TRIM35: variants seen among roughly 807,000 people sequenced by gnomAD.
The protein encoded by TRIM35 is tripartite motif containing 35.
TRIM35 carries 37 observed loss-of-function variants against 49.1 expected under a neutral mutation model. The ratio of observed to expected loss-of-function variants is 0.75; its 90% CI spans 0.58 to 0.99. TRIM35 has a LOEUF of 0.99. Ranked by LOEUF, TRIM35 falls within the 50% of genes least tolerant of loss-of-function variation. The pLI, the probability that TRIM35 is intolerant of heterozygous loss-of-function variation, is 0.00. For missense variants in TRIM35, 648 were observed against 702.7 expected, an observed-to-expected ratio of 0.92 and a Z score of 0.88; for synonymous variants, 302 against 289.3, an observed-to-expected ratio of 1.04 and a Z score of -0.45.
intron 1 of TRIM35, among the ~76,000 whole-genome samples, chr8:27,303,653 G>C (rs773390491): frequency 7.9e-5 from 12 of 152,052 alleles, no homozygotes; most frequent in Non-Finnish European, 1.6e-4. Context: ...TTCGATGTTA[G>C]CATCACATTA....
intron 1 of TRIM35, among the ~76,000 whole-genome samples, chr8:27,309,533 G>C (rs946133083): frequency 6.6e-6 from 1 of 152,156 alleles, no homozygotes; most frequent in Non-Finnish European, 1.5e-5. Flanking sequence ...GGCCACAGAG[G>C]GGGCCAGAAA....
At position 27,310,947 on chromosome 8, in the gene TRIM35, A is replaced by G; in HGVS notation, c.289T>C (p.Phe97Leu). The change falls in exon 1 of 6, where the codon TTC becomes CTC. Residue 97 changes from phenylalanine (F) to leucine (L), a missense_variant. Transcript: ENST00000305364. ...AEGARWTSYR[F>L]SRVCRLHRGQ... ...CGGTGCAGGCGGCAGACACGCGAGAAGCGGTAGCTGGTCCAGCGCGCGCCC... is the reference window on the plus strand; with the variant it reads ...CGGTGCAGGCGGCAGACACGCGAGAGGCGGTAGCTGGTCCAGCGCGCGCCC... 6.2e-7 allele frequency: 1 copy of G among 1,612,666 alleles called. No individual in the cohort carries two copies. The highest frequency in any genetic ancestry group is 8.5e-7 in the Non-Finnish European group (1 of 1,179,736).
At position 27,311,074 on chromosome 8, in the gene TRIM35, C is replaced by A. The variant is rs950573333; in HGVS notation, c.162G>T (p.Ser54=). ...CVSRCWEVQV[S]PTCPVCKDRA... is the part of the protein sequence containing the mutation. ...GGTCTTTGCACACTGGGCAGGTGGGCGACACCTGCACCTCCCAGCAGCGGC... is the reference window on the plus strand; with the variant it reads ...GGTCTTTGCACACTGGGCAGGTGGGAGACACCTGCACCTCCCAGCAGCGGC... Residue 54 remains serine (S), a synonymous_variant, in exon 1 of 6, where the codon TCG becomes TCT. Transcript: ENST00000305364. The A allele has an allele frequency of 1.3e-6, 2 of 1,595,912 alleles. No individual in the cohort carries two copies. The highest frequency in any genetic ancestry group is 1.3e-5 in the African/African-American group (1 of 74,710).
chr8:27,305,548 A>G (rs1363727183), intron 1 of TRIM35, among the ~76,000 whole-genome samples: 1 of 152,196 alleles, frequency 6.6e-6, no homozygotes, highest in African/African-American at 2.4e-5. Context: ...GGAAATGGGG[A>G]AAAGCATTGG....
intron 4 of TRIM35, among the ~76,000 whole-genome samples, chr8:27,289,755 T>C (rs1195235899): frequency 1.3e-5 from 2 of 152,164 alleles, no homozygotes; most frequent in Non-Finnish European, 2.9e-5. Context: ...GACACAGCTC[T>C]TCCTCATTCA....
At chr8:27,305,444 G>C (rs1802764226) in intron 1 of TRIM35, among the ~76,000 whole-genome samples, 1 of 152,220 alleles carries the variant, frequency 6.6e-6, no homozygotes, top group Non-Finnish European at 1.5e-5. Flanking sequence ...CACAGGCCTG[G>C]ACAAGCAAGC....
At position 27,286,262 on chromosome 8, in the gene TRIM35, AG is replaced by A. The variant is rs1456341267; in HGVS notation, c.*1287del. On this transcript the variant is annotated 3_prime_UTR_variant, in exon 6 of 6. Transcript: ENST00000305364. ...AGGGAAAAGTCTGCAGGCATGGTGG[AG>A]GAAGAAATTAGGGATGAAATCGCAA... The A allele has an allele frequency of 1.6e-5, 7 of 439,156 alleles. No homozygotes were observed. The East Asian group carries it at 4.9e-4, about 31-fold the overall frequency. 27.2% of individuals were successfully genotyped at this position (439,156 alleles called of 1,614,324 possible).
chr8:27,289,133 T>C, intron 5 of TRIM35, 29 bp downstream of exon 5: 2 of 1,594,052 alleles, frequency 1.3e-6, no homozygotes, highest in Middle Eastern at 3.5e-4. Context: ...CCACCCATGC[T>C]TGGGACACCT....
chr8:27,288,002 A>G lies in TRIM35; in HGVS notation c.1030T>C (p.Cys344Arg). Residue 344 changes from cysteine (C) to arginine (R), a missense_variant, in exon 6 of 6, where the codon TGC (cysteine) becomes CGC (arginine). By Grantham distance (180) the Cys-to-Arg change is radical. Transcript: ENST00000305364. ...GAGAAGACACGGGAGCCCAGCAGGC[A>G]GGGCGCCGAGGAGAAGCGTTCCGGG... is the stretch of plus-strand genomic sequence containing the variant. ...ENPERFSSAPCLLGSRVFSQG... is the reference protein window; with the variant it reads ...ENPERFSSAPRLLGSRVFSQG... 6.2e-7 allele frequency: 1 copy of G among 1,613,590 alleles called. No individual in the cohort carries two copies. The highest frequency in any genetic ancestry group is 8.5e-7 in the Non-Finnish European group (1 of 1,180,006).
intron 2 of TRIM35, among the ~76,000 whole-genome samples, chr8:27,297,250 G>C (rs1360388572): frequency 6.6e-6 from 1 of 152,154 alleles, no homozygotes; most frequent in African/African-American, 2.4e-5. Flanking sequence ...TGAGGACAGC[G>C]CCCAGCAACC....
At chr8:27,295,055 T>A (rs1802538025) in intron 2 of TRIM35, among the ~76,000 whole-genome samples, 1 of 152,134 alleles carries the variant, frequency 6.6e-6, no homozygotes, top group Non-Finnish European at 1.5e-5. Flanking sequence ...AACTCCTGAC[T>A]TAAGGTGATC....
intron 5 of TRIM35, among the ~76,000 whole-genome samples, chr8:27,288,545 G>A (rs1234832622): frequency 6.6e-6 from 1 of 152,122 alleles, no homozygotes; most frequent in Non-Finnish European, 1.5e-5. Flanking sequence ...ACCAGGAGAC[G>A]GAAGAGGAAA....
chr8:27,288,175 AGGCCACACGT>A lies in TRIM35; in HGVS notation c.905-58_905-49del, dbSNP rs1802378714. ...GGAATCAGCAAACCTGAGGTCCCTT[AGGCCACACGT>A]GGATATCTCCAGCCCCACAAACCAA... is the stretch of plus-strand genomic sequence containing the variant. On this transcript the variant is annotated intron_variant, in intron 5 of 5. Transcript: ENST00000305364. 2.6e-6 allele frequency: 4 copies of A among 1,533,808 alleles called. No individual in the cohort carries two copies. In the African/African-American group the frequency reaches 4.1e-5, roughly 16 times the overall value.
rs1400075415 is a variant in TRIM35 at position 27,286,087 on chromosome 8, G to A, written c.*1463C>T. ...TGTGAACTGAAGGGGATGGGCAGAA[G>A]GCAGGATGCTGTCCTTGGTCAGGAA... On this transcript the variant is annotated 3_prime_UTR_variant, in exon 6 of 6. Coordinates refer to ENST00000305364, the MANE Select transcript of TRIM35 (RefSeq NM_171982.5). The A allele has an allele frequency of 8.8e-6, 4 of 456,132 alleles. No homozygotes were observed. Among genetic ancestry groups the A allele is most frequent in the East Asian group, 6.9e-5 (1 of 14,410 alleles). The allele number at this position is 456,132 out of a possible 1,614,324, so 28.3% of individuals were successfully genotyped here.
At chr8:27,296,614 C>A (rs1311208795) in intron 2 of TRIM35, among the ~76,000 whole-genome samples, 1 of 152,238 alleles carries the variant, frequency 6.6e-6, no homozygotes, top group Non-Finnish European at 1.5e-5. Flanking sequence ...ACCACACAGA[C>A]AGACAGATAC....
At chr8:27,293,087 A>G (rs923423508) in intron 3 of TRIM35, among the ~76,000 whole-genome samples, 1 of 151,716 alleles carries the variant, frequency 6.6e-6, no homozygotes, top group African/African-American at 2.4e-5. Context: ...TTGAGACAGG[A>G]GACTTCATGG....
Position 27,311,228 on chromosome 8 carries a change from C to T in TRIM35, c.8G>A (p.Arg3Gln), listed in dbSNP as rs767884249. The change falls in exon 1 of 6, where the codon CGG becomes CAG. Residue 3 changes from arginine to glutamine, a missense_variant. By Grantham distance (43) the Arg-to-Gln change is conservative (BLOSUM62 1). Coordinates refer to ENST00000305364, the MANE Select transcript of TRIM35 (RefSeq NM_171982.5). ME[R>Q]SPDVSPGPSR... is the part of the protein sequence containing the mutation. ...AGGCCCGGGGGACACGTCGGGACTCCGCTCCATGGCACGAGCAGCCGGCTC... is the reference window on the plus strand; with the variant it reads ...AGGCCCGGGGGACACGTCGGGACTCTGCTCCATGGCACGAGCAGCCGGCTC... 6 of 1,541,422 alleles carry T rather than the reference C, an allele frequency of 3.9e-6. No homozygotes were observed. The Admixed American group carries it at 5.9e-5, about 15-fold the overall frequency.
rs148818641 is a variant in TRIM35 at position 27,304,517 on chromosome 8, G to A, written c.436-5958C>T. On this transcript the variant is annotated intron_variant, in intron 1 of 5. Transcript: ENST00000305364. Reference sequence around the variant, plus strand: ...GCATCACAGCACCCTGGCCACCTCTGTCTCAGCACTCACTATCCAGGGTAA... The same window carrying A: ...GCATCACAGCACCCTGGCCACCTCTATCTCAGCACTCACTATCCAGGGTAA... Among the ~76,000 whole-genome samples the A allele has an allele frequency of 1.8e-3, 267 of 152,324 alleles. 3 individuals carry two copies. In the South Asian group the frequency reaches 0.03, roughly 17 times the overall value.
chr8:27,304,343 T>G (rs1412595225), intron 1 of TRIM35, among the ~76,000 whole-genome samples: 1 of 152,244 alleles, frequency 6.6e-6, no homozygotes, highest in African/African-American at 2.4e-5. Context: ...AGGTTTTCTG[T>G]CTTGTGAGAC....
Sources: allele counts gnomAD v4.1 joint callset (sites outside exome capture counted in the v4.1 genomes callset), GRCh38; gene constraint gnomAD v4.1.1; transcripts MANE v1.5; gene names NCBI Gene and HGNC (gene_info 2026-07-23, HGNC 2026-07-21).